UBE2K: variants seen among roughly 807,000 people sequenced by gnomAD.
UBE2K encodes ubiquitin-conjugating enzyme E2 K.
UBE2K carries 6 observed loss-of-function variants against 30.0 expected under a neutral mutation model. The ratio of observed to expected loss-of-function variants is 0.20; its 90% CI spans 0.11 to 0.39. The LOEUF (loss-of-function observed/expected upper bound fraction) is 0.39, where lower values mean the gene tolerates loss of function less well. UBE2K is among the 10% of genes least tolerant of loss of function. UBE2K has a pLI of 1.00. For synonymous variants in UBE2K, 86 were observed against 83.7 expected (o/e 1.03, Z -0.15); for missense variants, 61 against 241.6 (o/e 0.25, Z 4.96).
At chr4:39,772,576 AAAGAAAAAAAG>A (rs1442125510) in intron 4 of UBE2K, among the ~76,000 whole-genome samples, 2 of 92,928 alleles carry the variant, frequency 2.2e-5, no homozygotes, top group South Asian at 3.9e-4. Context: ...TATCTCAAAA[AAAGAAAAAAAG>A]AAGAATGATC....
Position 39,779,966 on chromosome 4 carries a change from C to G in UBE2K, c.*1532C>G, listed in dbSNP as rs893325779. ...ATTTGACTTCTCAATAATCTTGATA[C>G]TAGAAGCAATAAAAGAACCATTATT... is the stretch of plus-strand genomic sequence containing the variant. On this transcript the variant is annotated 3_prime_UTR_variant, in exon 7 of 7. Coordinates refer to ENST00000261427, the MANE Select transcript of UBE2K (RefSeq NM_005339.5). 6.6e-6 allele frequency: 1 copy of G among 151,998 alleles called. No individual in the cohort carries two copies. The highest frequency in any genetic ancestry group is 2.4e-5 in the African/African-American group (1 of 41,398). The allele number at this position is 151,998 out of a possible 1,614,324, so 9.4% of individuals were successfully genotyped here.
intron 1 of UBE2K, among the ~76,000 whole-genome samples, chr4:39,725,997 T>C (rs1054840092): frequency 6.6e-6 from 1 of 152,134 alleles, no homozygotes; most frequent in Non-Finnish European, 1.5e-5. Context: ...AAACATTTAT[T>C]CTCAGAGTTG....
chr4:39,779,042 A>ACCCCCCCCCCCCCCCCCCCCTTCCC lies in UBE2K; in HGVS notation c.*616_*617insCCCCCCCCCCCCTTCCCCCCCCCCC, dbSNP rs3839130. On this transcript the variant is annotated 3_prime_UTR_variant, in exon 7 of 7. Transcript: ENST00000261427. ...TGGGACAGTGTCTGATTCCCCCTTC[A>ACCCCCCCCCCCCCCCCCCCCTTCCC]CCCCCCCCACCCCCGCCTTGCCACA... The ACCCCCCCCCCCCCCCCCCCCTTCCC allele has an allele frequency of 1.6e-5, 2 of 128,220 alleles. No individual in the cohort carries two copies. Among genetic ancestry groups the ACCCCCCCCCCCCCCCCCCCCTTCCC allele is most frequent in the Non-Finnish European group, 3.2e-5 (2 of 62,678 alleles). The allele number at this position is 128,220 out of a possible 1,614,324, so 7.9% of individuals were successfully genotyped here. A position where few individuals can be genotyped will look rare whatever the true frequency, so the allele number is the denominator to read the frequency against.
intron 2 of UBE2K, among the ~76,000 whole-genome samples, chr4:39,739,026 C>G (rs1720524963): frequency 2.3e-5 from 2 of 88,416 alleles, no homozygotes; most frequent in Non-Finnish European, 4.4e-5. Context: ...AACAGTTACC[C>G]AAAACACTTT....
At chr4:39,767,881 T>A (rs1712453155) in intron 4 of UBE2K, among the ~76,000 whole-genome samples, 1 of 152,144 alleles carries the variant, frequency 6.6e-6, no homozygotes, top group Non-Finnish European at 1.5e-5. Context: ...TTACATAAGA[T>A]TTTGTTTCAG....
chr4:39,770,752 C>T lies in UBE2K; in HGVS notation c.300-4082C>T, dbSNP rs937427071. On this transcript the variant is annotated intron_variant, in intron 4 of 6. Transcript: ENST00000261427. ...ACGGAGCCTCCAATGCCCAGGCCCC[C>T]TCCCAGGCCTCCAGGGGGCTTGAGC... The T allele has an allele frequency of 3.2e-6, 5 of 1,582,870 alleles. No homozygotes were observed. The Admixed American group carries it at 7.2e-5, about 23-fold the overall frequency.
At chr4:39,736,013 GTTTT>G (rs11323808) in intron 1 of UBE2K, among the ~76,000 whole-genome samples, 1 of 149,152 alleles carries the variant, frequency 6.7e-6, no homozygotes, top group African/African-American at 2.4e-5. Flanking sequence ...AAAAATTGTG[GTTTT>G]TTTTTTTGGG....
At chr4:39,712,836 T>C (rs1035843826) in intron 1 of UBE2K, among the ~76,000 whole-genome samples, 3 of 151,982 alleles carry the variant, frequency 2.0e-5, no homozygotes, top group African/African-American at 7.2e-5. Flanking sequence ...TATTGGCCAT[T>C]AGGCTTTTGT....
chr4:39,740,658 C>T (rs1474350203), intron 2 of UBE2K, among the ~76,000 whole-genome samples: 3 of 150,500 alleles, frequency 2.0e-5, no homozygotes, highest in South Asian at 4.2e-4. Flanking sequence ...GTCAGGAGAT[C>T]GAGACCGTCC....
chr4:39,753,585 T>C (rs1004278094), intron 3 of UBE2K, among the ~76,000 whole-genome samples: 1 of 152,114 alleles, frequency 6.6e-6, no homozygotes, highest in Non-Finnish European at 1.5e-5. Flanking sequence ...GTAATTAATA[T>C]ACTATGACAA....
chr4:39,753,066 A>G (rs1020155524), intron 3 of UBE2K, among the ~76,000 whole-genome samples: 1 of 152,194 alleles, frequency 6.6e-6, no homozygotes, highest in African/African-American at 2.4e-5. Flanking sequence ...CTGTATTAAG[A>G]TGTGAAATGT....
At chr4:39,756,626 T>C (rs987785944) in intron 4 of UBE2K, among the ~76,000 whole-genome samples, 6 of 152,080 alleles carry the variant, frequency 3.9e-5, no homozygotes, top group African/African-American at 1.4e-4. Context: ...CTAATGTTTG[T>C]ATTTTTTTTA....
intron 1 of UBE2K, among the ~76,000 whole-genome samples, chr4:39,721,978 G>A (rs1280787587): frequency 6.6e-6 from 1 of 152,016 alleles, no homozygotes; most frequent in Non-Finnish European, 1.5e-5. Context: ...GGTCCCAGCT[G>A]CTTGGGCAGC....
chr4:39,752,311 A>ATTTTTTTTTTTTTTTTTT (rs751312791), intron 3 of UBE2K, among the ~76,000 whole-genome samples: 1 of 118,544 alleles, frequency 8.4e-6, no homozygotes, highest in African/African-American at 3.2e-5. Flanking sequence ...CGCCTGGCTA[A>ATTTTTTTTTTTTTTTTTT]TTTTTTTTTT....
rs531113740 is a variant in UBE2K at position 39,762,562 on chromosome 4, A to AAG, written c.299+6826_299+6827dup. Among the ~76,000 whole-genome samples the AAG allele has an allele frequency of 1.0e-3, 159 of 152,336 alleles. 1 individual carries two copies. Among genetic ancestry groups the AAG allele is most frequent in the African/African-American group, 3.8e-3 (157 of 41,588 alleles). On this transcript the variant is annotated intron_variant, in intron 4 of 6. Coordinates refer to ENST00000261427, the MANE Select transcript of UBE2K (RefSeq NM_005339.5). The stretch of plus-strand genomic sequence containing the variant: ...AGCTTATGATCACAGCAGAAGATGA[A>AAG]AGAGGAGCCTGTTTCACATCATGAG...
rs1711647931 is a variant in UBE2K at position 39,758,583 on chromosome 4, C to T, written c.299+2844C>T. 3.9e-5 allele frequency among the ~76,000 whole-genome samples: 6 copies of T among 152,058 alleles called. No individual in the cohort carries two copies. The South Asian group carries it at 1.2e-3, about 32-fold the overall frequency. On this transcript the variant is annotated intron_variant, in intron 4 of 6. Transcript: ENST00000261427. ...ATCCCAGCTACTTGGGAGGCTGAGGCAGGAGAATCGCTTGAACCTGGGAGG... is the reference window on the plus strand; with the variant it reads ...ATCCCAGCTACTTGGGAGGCTGAGGTAGGAGAATCGCTTGAACCTGGGAGG...
chr4:39,731,593 A>G, intron 1 of UBE2K, among the ~76,000 whole-genome samples: 1 of 152,018 alleles, frequency 6.6e-6, no homozygotes, highest in African/African-American at 2.4e-5. Context: ...GAGGCAGGAG[A>G]ATTCCTTGAA....
At chr4:39,732,134 C>G (rs1331288258) in intron 1 of UBE2K, among the ~76,000 whole-genome samples, 2 of 152,222 alleles carry the variant, frequency 1.3e-5, no homozygotes, top group Non-Finnish European at 2.9e-5. Flanking sequence ...ATAAATTTAG[C>G]ATTTACTGTG....
chr4:39,766,414 A>G (rs1469235936), intron 4 of UBE2K, among the ~76,000 whole-genome samples: 1 of 151,004 alleles, frequency 6.6e-6, no homozygotes, highest in East Asian at 1.9e-4. Flanking sequence ...GTGTTTATTG[A>G]CACTTTATAT....
Sources: gnomAD v4.1 joint callset for allele counts (sites outside exome capture counted in the v4.1 genomes callset) on GRCh38, gnomAD v4.1.1 for gene constraint, MANE v1.5 for transcripts, NCBI Gene and HGNC (gene_info 2026-07-23, HGNC 2026-07-21) for gene names.